SMCHD1: variants seen among roughly 807,000 people sequenced by gnomAD.
SMCHD1 encodes structural maintenance of chromosomes flexible hinge domain-containing protein 1.
SMCHD1 carries 78 observed loss-of-function variants against 254.7 expected under a neutral mutation model. That is an observed-to-expected ratio of 0.31 (90% CI 0.26 to 0.37). The LOEUF is 0.37. SMCHD1 is among the 10% of genes least tolerant of loss of function. The pLI, the probability that SMCHD1 is intolerant of heterozygous loss-of-function variation, is 1.00. For synonymous variants in SMCHD1, 766 were observed against 794.9 expected (o/e 0.96, Z 0.61); for missense variants, 1,840 against 2,408.1 (o/e 0.76, Z 4.94).
chr18:2,667,874 ATTCTTT>A (rs1272577515), intron 3 of SMCHD1, among the ~76,000 whole-genome samples: 1 of 151,986 alleles, frequency 6.6e-6, no homozygotes, highest in Non-Finnish European at 1.5e-5. Context: ...TTTGAACAGT[ATTCTTT>A]TTCTTTTTTT....
chr18:2,762,247 T>G lies in SMCHD1; in HGVS notation c.4566+11T>G, dbSNP rs777157785. 8.7e-6 allele frequency: 14 copies of G among 1,610,924 alleles called. No individual in the cohort carries two copies. Among genetic ancestry groups the G allele is most frequent in the Non-Finnish European group, 1.1e-5 (13 of 1,178,600 alleles). ...CATCTTAGTATCACGGTAATGTTTA[T>G]TTTCTTCCAAAACTGCGAAGGGTAA... On this transcript the variant is annotated intron_variant, in intron 36 of 47. Coordinates refer to ENST00000320876, the MANE Select transcript of SMCHD1 (RefSeq NM_015295.3).
chr18:2,697,117 A>T lies in SMCHD1; in HGVS notation c.1126A>T (p.Ile376Phe), dbSNP rs185618962. ...AGTTGAACCTTTCAACAATATTGAT[A>T]TTGAAGTAAGAGAAAAATCCATCTT... The part of the protein sequence containing the change: ...KEVEPFNNID[I>F]EISMFEKGKV... Residue 376 changes from isoleucine to phenylalanine, a missense_variant, in exon 9 of 48, where the codon ATT becomes TTT. By Grantham distance (21) the Ile-to-Phe change is conservative. This residue lies in a region of SMCHD1 where 498 missense variants were observed against 743.5 expected (regional missense o/e 0.67). Transcript: ENST00000320876. The T allele has an allele frequency of 9.2e-6, 13 of 1,405,824 alleles. 1 individual carries two copies. The Admixed American group carries it at 3.2e-4, about 35-fold the overall frequency. 87.1% of individuals were successfully genotyped at this position (1,405,824 alleles called of 1,614,324 possible). A position where few individuals can be genotyped will look rare whatever the true frequency, so the allele number is the denominator to read the frequency against.
At chr18:2,750,646 C>A in intron 32 of SMCHD1, 139 bp downstream of exon 32, 1 of 645,244 alleles carries the variant, frequency 1.5e-6, no homozygotes, top group South Asian at 3.1e-5. Context: ...TATCATGTTG[C>A]AGATGTTAAG....
chr18:2,691,552 G>A lies in SMCHD1; in HGVS notation c.873+2805G>A, dbSNP rs529447424. The A allele has an allele frequency of 5.9e-5, 9 of 152,330 alleles. No individual in the cohort carries two copies. In the South Asian group the frequency reaches 1.0e-3, roughly 18 times the overall value. The allele number at this position is 152,330 out of a possible 1,614,324, so 9.4% of individuals were successfully genotyped here. A position where few individuals can be genotyped will look rare whatever the true frequency, so the allele number is the denominator to read the frequency against. On this transcript the variant is annotated intron_variant, in intron 7 of 47. Transcript: ENST00000320876. ...ACTTATGTCAAAAGCTCTCAAATCT[G>A]TGTTTCGTGTGAAAACTTTTCTCAA...
intron 17 of SMCHD1, among the ~76,000 whole-genome samples, chr18:2,711,117 C>T (rs577497321): frequency 4.8e-4 from 73 of 152,146 alleles, no homozygotes; most frequent in Non-Finnish European, 9.0e-4. Flanking sequence ...GCTAGGACTA[C>T]AGACATGCTC....
chr18:2,787,127 C>T (rs1343342049), intron 45 of SMCHD1, among the ~76,000 whole-genome samples: 1 of 152,130 alleles, frequency 6.6e-6, no homozygotes, highest in Non-Finnish European at 1.5e-5. Context: ...CAGGCTGCTT[C>T]CTATCACAGT....
chr18:2,694,641 G>A lies in SMCHD1; in HGVS notation c.988G>A (p.Glu330Lys). ...TGTGGTTATCACAGGGGTACAACCA[G>A]AACACATACAGTACTTGAAAAATTA... ...TAVVITGVQP[E>K]HIQYLKNYFH... The change falls in exon 8 of 48, where the codon GAA (glutamate) becomes AAA (lysine). Residue 330 changes from glutamate to lysine, a missense_variant. This residue lies in a region of SMCHD1 where 498 missense variants were observed against 743.5 expected (regional missense o/e 0.67). Coordinates refer to ENST00000320876, the MANE Select transcript of SMCHD1 (RefSeq NM_015295.3). The A allele has an allele frequency of 6.2e-7, 1 of 1,613,448 alleles. No homozygotes were observed. Among genetic ancestry groups the A allele is most frequent in the East Asian group, 2.2e-5 (1 of 44,828 alleles).
rs1482585220 is a variant in SMCHD1, at chr18:2,697,901, CGTT to C, written c.1205_1207del (p.Leu402del). 6.2e-7 allele frequency: 1 copy of C among 1,613,382 alleles called. No individual in the cohort carries two copies. Among genetic ancestry groups the C allele is most frequent in the Non-Finnish European group, 8.5e-7 (1 of 1,179,500 alleles). ...AGGGAAATACAAGACGACATGCAGA[CGTT>C]GTATGTAAACACAGCAGCTGATAGT... On this transcript the variant is annotated inframe_deletion, in exon 10 of 48. Transcript: ENST00000320876.
intron 5 of SMCHD1, among the ~76,000 whole-genome samples, chr18:2,687,786 A>G (rs1204736788): frequency 6.6e-6 from 1 of 151,696 alleles, no homozygotes; most frequent in African/African-American, 2.4e-5. Context: ...CTGTTCTCTA[A>G]TTCTCTCCAG....
intron 17 of SMCHD1, among the ~76,000 whole-genome samples, chr18:2,709,220 A>ATG (rs1268531867): frequency 9.7e-6 from 1 of 102,768 alleles, no homozygotes; most frequent in Non-Finnish European, 1.9e-5. Context: ...GTGTGTATAT[A>ATG]TGTGTATATG....
At position 2,739,454 on chromosome 18, in the gene SMCHD1, C is replaced by T. The variant is rs776450805; in HGVS notation, c.3448C>T (p.His1150Tyr). The change falls in exon 27 of 48, where the codon CAT (histidine) becomes TAT (tyrosine). Residue 1150 changes from histidine to tyrosine, a missense_variant. By Grantham distance (83) the His-to-Tyr change is moderately conservative. This residue lies in a region of SMCHD1 where 881 missense variants were observed against 1,009.5 expected (regional missense o/e 0.87). Coordinates refer to ENST00000320876, the MANE Select transcript of SMCHD1 (RefSeq NM_015295.3). ...CAGACCACTTCCTGATGAACCTAAA[C>T]ATTTAAAATGTGAAATGAAAGGAGG... The part of the protein sequence containing the change: ...TVRPLPDEPK[H>Y]LKCEMKGGKT... The T allele has an allele frequency of 6.2e-7, 1 of 1,613,050 alleles. No individual in the cohort carries two copies. Among genetic ancestry groups the T allele is most frequent in the Non-Finnish European group, 8.5e-7 (1 of 1,179,404 alleles).
intron 15 of SMCHD1, 192 bp from the exon 16 acceptor site, chr18:2,707,370 CT>C (rs201643920): frequency 2.9e-5 from 9 of 311,042 alleles, no homozygotes; most frequent in Non-Finnish European, 4.0e-5. Context: ...TTTTCTTCTT[CT>C]TTTTTTTCAG....
chr18:2,746,477 T>C (rs2075455167), intron 29 of SMCHD1, among the ~76,000 whole-genome samples: 1 of 152,210 alleles, frequency 6.6e-6, no homozygotes, highest in Non-Finnish European at 1.5e-5. Flanking sequence ...ACTCAGCAGT[T>C]TTCAAAATTC....
At chr18:2,740,559 T>C (rs2075330076) in intron 27 of SMCHD1, 144 bp from the exon 28 acceptor site, 2 of 392,494 alleles carry the variant, frequency 5.1e-6, no homozygotes, top group South Asian at 1.1e-4. Flanking sequence ...ATTTAAAAAA[T>C]GAGTATAATT....
rs1022005274 is a variant in SMCHD1, at chr18:2,705,786, A to G, written c.1935A>G (p.Gly645=). 2 of 1,600,484 alleles carry G rather than the reference A, an allele frequency of 1.2e-6. No individual in the cohort carries two copies. The highest frequency in any genetic ancestry group is 1.7e-6 in the Non-Finnish European group (2 of 1,171,234). ...GDHDGEVYAT[G]GEVQIAMEPQ... The stretch of plus-strand genomic sequence containing the variant: ...ATGATGGAGAAGTATATGCTACAGG[A>G]GGAGAGGTTCAAATTGCAATGGTAA... The change falls in exon 14 of 48, where the codon GGA becomes GGG. Residue 645 remains glycine (G), a synonymous_variant. Transcript: ENST00000320876.
At chr18:2,749,048 TA>T (rs1177942217) in intron 30 of SMCHD1, among the ~76,000 whole-genome samples, 1 of 152,204 alleles carries the variant, frequency 6.6e-6, no homozygotes. Flanking sequence ...ATGAGTCTGT[TA>T]AATGAGGCTA....
At chr18:2,769,927 ATG>A (rs1486248594) in intron 38 of SMCHD1, 60 bp from the exon 39 acceptor site, 1 of 1,533,466 alleles carries the variant, frequency 6.5e-7, no homozygotes, top group East Asian at 2.4e-5. Flanking sequence ...TAACCACTTT[ATG>A]ACATATTTTA....
intron 42 of SMCHD1, among the ~76,000 whole-genome samples, chr18:2,777,363 G>T (rs1054211929): frequency 6.6e-6 from 1 of 152,126 alleles, no homozygotes; most frequent in Non-Finnish European, 1.5e-5. Context: ...GGCTTCAATT[G>T]CTCTTCCTAT....
In SMCHD1 at chr18:2,796,017, T is replaced by C; in HGVS notation, c.5788T>C (p.Leu1930=). The change falls in exon 46 of 48, where the codon TTA becomes CTA. Residue 1930 remains leucine, a synonymous_variant. Coordinates refer to ENST00000320876, the MANE Select transcript of SMCHD1 (RefSeq NM_015295.3). Reference sequence around the variant, plus strand: ...TGTGAATAAGGATCTTAACAGTCAATTAGAGTACCTTCGCACTCCGGATAT... The same window carrying C: ...TGTGAATAAGGATCTTAACAGTCAACTAGAGTACCTTCGCACTCCGGATAT... ...DSVNKDLNSQ[L]EYLRTPDMRK... 1 of 1,595,962 alleles carries C rather than the reference T, an allele frequency of 6.3e-7. No homozygotes were observed. Among genetic ancestry groups the C allele is most frequent in the Non-Finnish European group, 8.5e-7 (1 of 1,170,774 alleles).
Sources: allele counts gnomAD v4.1 joint callset (sites outside exome capture counted in the v4.1 genomes callset), GRCh38; gene constraint gnomAD v4.1.1; regional missense constraint gnomAD v4.1.1; transcripts MANE v1.5; gene names NCBI Gene and HGNC (gene_info 2026-07-23, HGNC 2026-07-21).